The following NRK variants were observed in gnomAD, a reference collection of about 807,000 sequenced individuals.
The protein encoded by NRK is nik-related protein kinase.
A neutral mutation model predicts 125.2 loss-of-function variants in NRK; 67 were observed. The ratio of observed to expected loss-of-function variants is 0.54; its 90% confidence interval spans 0.44 to 0.66. The LOEUF (loss-of-function observed/expected upper bound fraction) is 0.66, where lower values mean the gene tolerates loss of function less well. Among genes scored for constraint, NRK ranks in the 30% least tolerant of loss-of-function variants. The pLI, the probability that NRK is intolerant of heterozygous loss-of-function variation, is 0.00. For missense variants in NRK, 1,224 were observed against 1,192.9 expected, an observed-to-expected ratio of 1.03 and a Z score of -0.38; for synonymous variants, 458 against 429.0, an observed-to-expected ratio of 1.07 and a Z score of -0.84.
At chrX:105,883,550 T>C (rs193153737) in intron 4 of NRK, among the ~76,000 whole-genome samples, 1 of 112,019 alleles carries the variant, frequency 8.9e-6, no homozygotes, top group Admixed American at 9.5e-5. Context: ...TTTACCTTTC[T>C]ATGTCTCAGG....
chrX:105,881,672 C>G (rs1181397862), intron 3 of NRK, 36 bp from the exon 4 acceptor site: 1 of 809,096 alleles, frequency 1.2e-6, no homozygotes, highest in Middle Eastern at 3.1e-4. Flanking sequence ...TTAGAGTGTA[C>G]CAGTACATCT....
At position 105,909,871 on chromosome X, in the gene NRK, C is replaced by A. The variant is rs772827350; in HGVS notation, c.2230C>A (p.Gln744Lys). Reference protein sequence around the residue: ...IFNQHEEELRQVDKDKEDESS... With the variant: ...IFNQHEEELRKVDKDKEDESS... Reference sequence around the variant, plus strand: ...TAATCAGCATGAGGAAGAATTGAGACAAGTTGATAAAGTAAGAATTTTTGA... The same window carrying A: ...TAATCAGCATGAGGAAGAATTGAGAAAAGTTGATAAAGTAAGAATTTTTGA... The change falls in exon 13 of 29, where the codon CAA becomes AAA. Residue 744 changes from glutamine to lysine, a missense_variant. Physicochemically the swap from Gln to Lys is moderately conservative, Grantham distance 53 (BLOSUM62 1). Transcript: ENST00000243300. The A allele has an allele frequency of 7.4e-5, 84 of 1,129,663 alleles. No individual in the cohort carries two copies. Among genetic ancestry groups the A allele is most frequent in the Non-Finnish European group, 9.4e-5 (80 of 853,086 alleles). The allele number at this position is 1,129,663 out of a possible 1,213,427, so 93.1% of individuals were successfully genotyped here. A position where few individuals can be genotyped will look rare whatever the true frequency, so the allele number is the denominator to read the frequency against.
At chrX:105,911,700 A>G (rs1473146870) in intron 13 of NRK, among the ~76,000 whole-genome samples, 3 of 111,533 alleles carry the variant, frequency 2.7e-5, no homozygotes, top group Admixed American at 1.9e-4. Flanking sequence ...GAATGGTGAC[A>G]TTTGGCAAAA....
At chrX:105,945,102 G>A (rs1380630424) in intron 24 of NRK, among the ~76,000 whole-genome samples, 1 of 111,868 alleles carries the variant, frequency 8.9e-6, no homozygotes, top group Non-Finnish European at 1.9e-5. Context: ...TTCTAACCTA[G>A]GATGTATATC....
rs921718184 is a variant in NRK at position 105,956,834 on chromosome X, A to G, written c.*1234A>G. On this transcript the variant is annotated 3_prime_UTR_variant, in exon 29 of 29. Transcript: ENST00000243300. ...TGTTTGGTCACCTATGGTAACTGCT[A>G]CCTGATGAAGAGCATAATTTCTGCA... The G allele has an allele frequency of 1.8e-5, 2 of 111,878 alleles. No homozygotes were observed. The highest frequency in any genetic ancestry group is 1.9e-4 in the Admixed American group (2 of 10,477). The allele number at this position is 111,878 out of a possible 1,213,427, so 9.2% of individuals were successfully genotyped here. A position where few individuals can be genotyped will look rare whatever the true frequency, so the allele number is the denominator to read the frequency against.
chrX:105,821,791 T>TA (rs2039021772), upstream of NRK, among the ~76,000 whole-genome samples: 2 of 111,953 alleles, frequency 1.8e-5, no homozygotes, highest in Admixed American at 9.4e-5. Flanking sequence ...GAGTCAGTCT[T>TA]ACTCAACCCT....
Position 105,912,669 on chromosome X carries a change from G to T in NRK, c.2263G>T (p.Asp755Tyr). 1 of 1,095,227 alleles carries T rather than the reference G, an allele frequency of 9.1e-7. No individual in the cohort carries two copies. Among genetic ancestry groups the T allele is most frequent in the Admixed American group, 2.7e-5 (1 of 36,567 alleles). 90.3% of individuals were successfully genotyped at this position (1,095,227 alleles called of 1,213,427 possible). Reference protein sequence around the residue: ...VDKDKEDESSDNDEVFHSIQA... With the variant: ...VDKDKEDESSYNDEVFHSIQA... ...AAAGGACAAAGAAGATGAATCATCA[G>T]ACAATGATGAAGTATTTCATTCGAT... is the stretch of plus-strand genomic sequence containing the variant. Residue 755 changes from aspartate to tyrosine, a missense_variant, in exon 14 of 29, where the codon GAC (aspartate) becomes TAC (tyrosine). Transcript: ENST00000243300.
chrX:105,877,627 T>G (rs1411770293), intron 2 of NRK, among the ~76,000 whole-genome samples: 1 of 110,861 alleles, frequency 9.0e-6, no homozygotes, highest in African/African-American at 3.3e-5. Context: ...AGTAGCACAT[T>G]TCTATGATCT....
chrX:105,849,936 G>A (rs1285170041), intron 2 of NRK, among the ~76,000 whole-genome samples: 6 of 112,003 alleles, frequency 5.4e-5, no homozygotes, highest in Non-Finnish European at 1.1e-4. Flanking sequence ...CTGGGGTCTG[G>A]AGGATGGTGG....
intron 2 of NRK, among the ~76,000 whole-genome samples, chrX:105,834,812 G>C (rs1437812624): frequency 1.8e-5 from 2 of 110,346 alleles, no homozygotes; most frequent in Non-Finnish European, 3.8e-5. Flanking sequence ...CTACTTATGA[G>C]AGAGTCAAGG....
rs1288438188 is a variant in NRK at position 105,909,578 on chromosome X, A to G, written c.1937A>G (p.Asp646Gly). ...VQALIEGLSR[D>G]LLRAPNSNNS... The stretch of plus-strand genomic sequence containing the variant: ...GCACTGATAGAGGGACTATCAAGAG[A>G]CTTGCTTCGGGCACCAAACTCAAAT... Residue 646 changes from aspartate (D) to glycine (G), a missense_variant, in exon 13 of 29, where the codon GAC (aspartate) becomes GGC (glycine). Coordinates refer to ENST00000243300, the MANE Select transcript of NRK (RefSeq NM_198465.4). 5.0e-6 allele frequency: 6 copies of G among 1,206,518 alleles called. No homozygotes were observed. Among genetic ancestry groups the G allele is most frequent in the Non-Finnish European group, 6.7e-6 (6 of 892,410 alleles).
upstream of NRK, among the ~76,000 whole-genome samples, chrX:105,822,287 A>G (rs1318782244): frequency 1.4e-4 from 4 of 28,720 alleles, no homozygotes; most frequent in South Asian, 4.8e-3. Context: ...GGGCGGGGGC[A>G]GGGGCGGCTG....
intron 1 of NRK, among the ~76,000 whole-genome samples, chrX:105,830,785 G>A (rs753204642): frequency 6.8e-5 from 7 of 103,214 alleles, no homozygotes; most frequent in Admixed American, 3.2e-4. Flanking sequence ...TGAACAATGA[G>A]AACACTTGGA....
At chrX:105,846,599 A>G (rs1030823300) in intron 2 of NRK, among the ~76,000 whole-genome samples, 3 of 111,745 alleles carry the variant, frequency 2.7e-5, no homozygotes, top group Non-Finnish European at 5.7e-5. Flanking sequence ...AGGTGATGTA[A>G]CATTGTTATT....
chrX:105,908,333 G>C (rs1428949161), intron 12 of NRK, 30 bp downstream of exon 12: 2 of 784,226 alleles, frequency 2.6e-6, no homozygotes, highest in African/African-American at 4.4e-5. Context: ...TATATAATTT[G>C]ATGATAGCAA....
chrX:105,880,218 G>A lies in NRK; in HGVS notation c.143G>A (p.Gly48Asp). ...RIYLGLHEKT[G>D]AFTAVKVMNA... ...TTTCAGGGACTTCATGAGAAGACTG[G>A]TGCATTTACAGCTGTTAAAGTGATG... Residue 48 changes from glycine (G) to aspartate (D), a missense_variant, in exon 3 of 29, where the codon GGT (glycine) becomes GAT (aspartate). Gly to Asp is a moderately conservative substitution (Grantham distance 94). Coordinates refer to ENST00000243300, the MANE Select transcript of NRK (RefSeq NM_198465.4). 9.2e-7 allele frequency: 1 copy of A among 1,088,560 alleles called. No homozygotes were observed. The allele number at this position is 1,088,560 out of a possible 1,213,427, so 89.7% of individuals were successfully genotyped here.
At chrX:105,826,240 TA>T (rs1333517627) in intron 1 of NRK, among the ~76,000 whole-genome samples, 1 of 87,900 alleles carries the variant, frequency 1.1e-5, no homozygotes. Flanking sequence ...TTATCATATA[TA>T]ATATATATGA....
At chrX:105,933,521 C>T (rs1176402521) in intron 19 of NRK, among the ~76,000 whole-genome samples, 1 of 111,861 alleles carries the variant, frequency 8.9e-6, no homozygotes, top group African/African-American at 3.3e-5. Flanking sequence ...ACAGGGCATA[C>T]CACATAAATT....
intron 8 of NRK, among the ~76,000 whole-genome samples, chrX:105,899,549 T>G: frequency 8.9e-6 from 1 of 112,177 alleles, no homozygotes; most frequent in Non-Finnish European, 1.9e-5. Context: ...GTTCTTCAAG[T>G]GGCTTTTTAT....
Sources: allele counts gnomAD v4.1 joint callset (sites outside exome capture counted in the v4.1 genomes callset), GRCh38; gene constraint gnomAD v4.1.1; transcripts MANE v1.5; gene names NCBI Gene and HGNC (gene_info 2026-07-23, HGNC 2026-07-21).